The following SGCD variants were observed in gnomAD, a reference collection of about 807,000 sequenced individuals.
The protein encoded by SGCD is sarcoglycan delta.
In SGCD, 18 loss-of-function variants were observed where a neutral mutation model predicts 36.6. The ratio of observed to expected loss-of-function variants is 0.49; its 90% CI spans 0.34 to 0.73. The LOEUF (loss-of-function observed/expected upper bound fraction) is 0.73. Among genes scored for constraint, SGCD ranks in the 30% least tolerant of loss-of-function variants. The pLI is 0.01. For missense variants in SGCD, 387 were observed against 346.7 expected (o/e 1.12, Z -0.92); for synonymous variants, 133 against 130.6 (o/e 1.02, Z -0.12).
intron 6 of SGCD, among the ~76,000 whole-genome samples, chr5:156,602,757 A>G (rs535548607): frequency 1.3e-5 from 2 of 152,286 alleles, no homozygotes; most frequent in Non-Finnish European, 2.9e-5. Flanking sequence ...GGATTTGCTG[A>G]TGGTAAACCA....
Position 156,314,874 on chromosome 5 carries a change from C to T in SGCD, c.-43-14660C>T, listed in dbSNP as rs575786906. 4.9e-4 allele frequency among the ~76,000 whole-genome samples: 75 copies of T among 151,992 alleles called. 1 individual carries two copies. The highest frequency in any genetic ancestry group is 8.0e-4 in the Non-Finnish European group (54 of 67,872). On this transcript the variant is annotated intron_variant, in intron 3 of 9. Transcript: ENST00000517913. ...TTTATAATTCATATTAGTAAGACTA[C>T]GGATTTTTTTCAGTTACATTACTTT...
intron 1 of SGCD, among the ~76,000 whole-genome samples, chr5:155,978,952 A>G (rs1758174788): frequency 6.6e-6 from 1 of 152,208 alleles, no homozygotes; most frequent in African/African-American, 2.4e-5. Context: ...CTCTCAGATG[A>G]CCAATTAGGT....
chr5:156,483,212 A>C (rs2127841390), intron 3 of SGCD, among the ~76,000 whole-genome samples: 1 of 152,280 alleles, frequency 6.6e-6, no homozygotes, highest in Middle Eastern at 3.4e-3. Flanking sequence ...ACCAGTAAGA[A>C]GGTCAATGTG....
At chr5:156,652,778 GT>G (rs1215028214) in intron 7 of SGCD, among the ~76,000 whole-genome samples, 2 of 151,410 alleles carry the variant, frequency 1.3e-5, no homozygotes, top group South Asian at 2.1e-4. Flanking sequence ...AGTTTTTTGG[GT>G]TTTTTTTGAG....
chr5:156,015,019 G>A (rs368348136), intron 1 of SGCD, among the ~76,000 whole-genome samples: 4 of 152,160 alleles, frequency 2.6e-5, no homozygotes, highest in African/African-American at 9.7e-5. Context: ...CTAGTCAGGG[G>A]CTTGGCCATT....
chr5:156,321,812 G>T (rs1767678884), upstream of SGCD, among the ~76,000 whole-genome samples: 3 of 152,172 alleles, frequency 2.0e-5, no homozygotes, highest in South Asian at 2.1e-4. Context: ...GAGGGAGATA[G>T]AGTCTTGATT....
chr5:156,113,588 G>A (rs1397529913), intron 1 of SGCD, among the ~76,000 whole-genome samples: 2 of 152,172 alleles, frequency 1.3e-5, no homozygotes, highest in Non-Finnish European at 2.9e-5. Flanking sequence ...AGCTGCTGTA[G>A]AAGACAGTTT....
At chr5:156,672,655 TTC>T (rs1186422239) in intron 7 of SGCD, among the ~76,000 whole-genome samples, 3 of 152,258 alleles carry the variant, frequency 2.0e-5, no homozygotes, top group Non-Finnish European at 4.4e-5. Flanking sequence ...TTCTTACTTC[TTC>T]TCTCTCCCTT....
chr5:156,333,970 C>G (rs1170832852), intron 2 of SGCD, among the ~76,000 whole-genome samples: 2 of 151,098 alleles, frequency 1.3e-5, no homozygotes, highest in Non-Finnish European at 2.9e-5. Flanking sequence ...TTTTTTTTTA[C>G]TGCCTTACTC....
In SGCD at chr5:156,252,357, G is replaced by A. The variant is rs1456574167; in HGVS notation, c.-43-77177G>A. ...CTCCCAACGTGCTGAGATTACAGGC[G>A]TGAGCCACTGTGCCTGGCGATATTA... On this transcript the variant is annotated intron_variant, in intron 3 of 9. Coordinates refer to the SGCD transcript ENST00000517913. Among the ~76,000 whole-genome samples the A allele has an allele frequency of 2.6e-5, 4 of 152,154 alleles. No individual in the cohort carries two copies. The East Asian group carries it at 5.8e-4, about 22-fold the overall frequency.
At chr5:156,407,409 TG>T (rs1011871423) in intron 3 of SGCD, among the ~76,000 whole-genome samples, 2 of 152,226 alleles carry the variant, frequency 1.3e-5, no homozygotes, top group African/African-American at 4.8e-5. Flanking sequence ...CTTCCTTTCC[TG>T]TTGCTGTTGA....
At chr5:155,953,435 T>C (rs1350441558) in intron 1 of SGCD, among the ~76,000 whole-genome samples, 1 of 152,148 alleles carries the variant, frequency 6.6e-6, no homozygotes, top group Middle Eastern at 3.2e-3. Flanking sequence ...TATGGCACAG[T>C]TGAATAGCTG....
chr5:155,761,676 A>ATCTCCATCATCCTCTCCATCACCC, the SGCD span, among the ~76,000 whole-genome samples: 3 of 102,062 alleles, frequency 2.9e-5, no homozygotes, highest in African/African-American at 1.3e-4. Context: ...CTCCATCATC[A>ATCTCCATCATCCTCTCCATCACCC]TCTCCATCAT....
At chr5:156,421,841 A>G (rs1486643950) in intron 3 of SGCD, among the ~76,000 whole-genome samples, 2 of 152,074 alleles carry the variant, frequency 1.3e-5, no homozygotes, top group African/African-American at 4.8e-5. Context: ...ATAAGTCCTA[A>G]TACCCAATCT....
At chr5:156,459,904 T>C (rs1754411714) in intron 3 of SGCD, among the ~76,000 whole-genome samples, 1 of 152,164 alleles carries the variant, frequency 6.6e-6, no homozygotes, top group Admixed American at 6.6e-5. Flanking sequence ...TTCATGCTCA[T>C]TTACAGGGAA....
upstream of SGCD, among the ~76,000 whole-genome samples, chr5:155,866,937 G>A (rs996765305): frequency 2.0e-5 from 3 of 152,224 alleles, no homozygotes; most frequent in African/African-American, 7.2e-5. Context: ...AAGGATCTGG[G>A]TGAGAAGAAT....
intron 3 of SGCD, among the ~76,000 whole-genome samples, chr5:156,408,334 C>A (rs1358876683): frequency 6.6e-6 from 1 of 151,494 alleles, no homozygotes; most frequent in Non-Finnish European, 1.5e-5. Flanking sequence ...CCTAATCGGG[C>A]TCCTGTGGAG....
chr5:156,073,200 G>A (rs117967084), intron 1 of SGCD, among the ~76,000 whole-genome samples: 7 of 152,104 alleles, frequency 4.6e-5, no homozygotes, highest in East Asian at 1.9e-4. Context: ...ATGACACGAC[G>A]GAGTAGATGC....
chr5:156,492,209 C>A (rs954983482), intron 3 of SGCD, among the ~76,000 whole-genome samples: 1 of 152,122 alleles, frequency 6.6e-6, no homozygotes, highest in African/African-American at 2.4e-5. Flanking sequence ...TTTCTAGAAA[C>A]TACATCTGGG....
Sources: gnomAD v4.1 joint callset for allele counts (sites outside exome capture counted in the v4.1 genomes callset) on GRCh38, gnomAD v4.1.1 for gene constraint, MANE v1.5 for transcripts, NCBI Gene and HGNC (gene_info 2026-07-23, HGNC 2026-07-21) for gene names.